AFG1L: variants seen among roughly 807,000 people sequenced by gnomAD.
The protein encoded by AFG1L is AFG1-like ATPase.
AFG1L carries 53 observed loss-of-function variants against 62.2 expected under a neutral mutation model. That is an observed-to-expected ratio of 0.85 (90% confidence interval 0.68 to 1.07). The LOEUF (loss-of-function observed/expected upper bound fraction) is 1.07, where lower values mean the gene tolerates loss of function less well. AFG1L is among the 50% of genes least tolerant of loss of function. The pLI, the probability that AFG1L is intolerant of heterozygous loss-of-function variation, is 0.00. For missense variants in AFG1L, 555 were observed against 590.5 expected (o/e 0.94, Z 0.62); for synonymous variants, 228 against 210.3 (o/e 1.08, Z -0.73).
intron 5 of AFG1L, 86 bp from the exon 6 acceptor site, chr6:108,366,147 C>G: frequency 1.4e-6 from 1 of 712,078 alleles, no homozygotes; most frequent in Non-Finnish European, 2.4e-6. Context: ...GAATTTACTT[C>G]CATCTTAAAA....
At chr6:108,352,606 A>G (rs1223838744) in intron 3 of AFG1L, among the ~76,000 whole-genome samples, 1 of 152,208 alleles carries the variant, frequency 6.6e-6, no homozygotes, top group Admixed American at 6.5e-5. Context: ...TCTGTCGCCC[A>G]GGTCCTGAAG....
At chr6:108,368,758 G>T (rs1451561553) in intron 6 of AFG1L, among the ~76,000 whole-genome samples, 1 of 152,176 alleles carries the variant, frequency 6.6e-6, no homozygotes, top group Non-Finnish European at 1.5e-5. Context: ...CTGCTGAAAG[G>T]ATAATTAGGC....
At chr6:108,408,637 C>T (rs1301437574) in intron 7 of AFG1L, among the ~76,000 whole-genome samples, 1 of 152,102 alleles carries the variant, frequency 6.6e-6, no homozygotes, top group African/African-American at 2.4e-5. Context: ...TCCCTCATAT[C>T]TCAGGGATTG....
At chr6:108,350,795 T>C (rs1394446853) in intron 3 of AFG1L, among the ~76,000 whole-genome samples, 2 of 152,156 alleles carry the variant, frequency 1.3e-5, no homozygotes, top group African/African-American at 4.8e-5. Context: ...TGCCTCCTGG[T>C]TTCACCTCAC....
chr6:108,324,833 C>A (rs1777974877), intron 2 of AFG1L, among the ~76,000 whole-genome samples: 1 of 151,894 alleles, frequency 6.6e-6, no homozygotes, highest in Admixed American at 6.6e-5. Context: ...AACTGGGTAA[C>A]AAGCGTGGAC....
At chr6:108,421,584 T>G (rs1341024900) in intron 7 of AFG1L, among the ~76,000 whole-genome samples, 1 of 152,110 alleles carries the variant, frequency 6.6e-6, no homozygotes, top group Non-Finnish European at 1.5e-5. Context: ...TGTTTTATAC[T>G]TTTTACATAA....
At chr6:108,505,239 G>A (rs960737420) in intron 10 of AFG1L, among the ~76,000 whole-genome samples, 3 of 152,072 alleles carry the variant, frequency 2.0e-5, no homozygotes, top group Admixed American at 6.5e-5. Flanking sequence ...GATTGCAGGC[G>A]CCTGCCGCCG....
At chr6:108,485,648 ATATATATATTTTTTTTTTT>A (rs1439775686) in intron 10 of AFG1L, among the ~76,000 whole-genome samples, 9 of 21,634 alleles carry the variant, frequency 4.2e-4, no homozygotes, top group Non-Finnish European at 7.3e-4. Context: ...ATATATATAT[ATATATATATTTTTTTTTTT>A]TTTTTTTTTT....
At chr6:108,400,879 A>T (rs1347620181) in intron 6 of AFG1L, among the ~76,000 whole-genome samples, 2 of 54,788 alleles carry the variant, frequency 3.7e-5, no homozygotes, top group African/African-American at 2.9e-4. Flanking sequence ...ATATATATTT[A>T]TATATAATGC....
intron 10 of AFG1L, among the ~76,000 whole-genome samples, chr6:108,489,961 G>C (rs375481047): frequency 5.3e-5 from 8 of 152,200 alleles, no homozygotes; most frequent in African/African-American, 1.9e-4. Flanking sequence ...TTTCACTAGA[G>C]TCAATGGAAG....
chr6:108,441,260 A>T (rs1004660256), intron 7 of AFG1L, among the ~76,000 whole-genome samples: 3 of 152,188 alleles, frequency 2.0e-5, no homozygotes, highest in African/African-American at 7.2e-5. Context: ...AATACACACA[A>T]TAGATTTTGG....
intron 7 of AFG1L, among the ~76,000 whole-genome samples, chr6:108,432,932 A>G (rs2114716681): frequency 6.6e-6 from 1 of 152,326 alleles, no homozygotes; most frequent in Admixed American, 6.5e-5. Context: ...CAGGAAATTC[A>G]CACCTATGCC....
At chr6:108,320,218 A>G (rs1200708951) in intron 1 of AFG1L, among the ~76,000 whole-genome samples, 2 of 152,284 alleles carry the variant, frequency 1.3e-5, no homozygotes, top group African/African-American at 4.8e-5. Flanking sequence ...AGTGGTGGTG[A>G]TCAGAGTCAT....
chr6:108,457,034 C>A (rs546605961), intron 8 of AFG1L, among the ~76,000 whole-genome samples: 12 of 152,106 alleles, frequency 7.9e-5, no homozygotes, highest in Non-Finnish European at 1.5e-4. Flanking sequence ...CACCTAACAA[C>A]ACTCTTAAAA....
intron 11 of AFG1L, among the ~76,000 whole-genome samples, chr6:108,513,599 TAAAC>T (rs983537581): frequency 2.6e-5 from 4 of 152,008 alleles, no homozygotes; most frequent in Non-Finnish European, 4.4e-5. Context: ...CTTGAGTAGG[TAAAC>T]AAAGCGGCTG....
At chr6:108,394,462 T>TA (rs34627676) in intron 6 of AFG1L, among the ~76,000 whole-genome samples, 53,473 of 151,900 alleles carry the variant, frequency 0.35, 9,828 homozygotes, top group Non-Finnish European at 0.42. Context: ...CCGTTTTTTT[T>TA]ATCTGTCACT....
At chr6:108,452,285 C>T (rs1380726763) in intron 8 of AFG1L, among the ~76,000 whole-genome samples, 3 of 152,116 alleles carry the variant, frequency 2.0e-5, no homozygotes, top group Admixed American at 6.5e-5. Flanking sequence ...ACAGGAAGCA[C>T]CATTGCTGAA....
intron 8 of AFG1L, among the ~76,000 whole-genome samples, chr6:108,474,677 T>C (rs911424374): frequency 1.3e-5 from 2 of 152,232 alleles, no homozygotes; most frequent in Admixed American, 6.5e-5. Context: ...GCCGCATGAA[T>C]GTCTTCTTTC....
intron 6 of AFG1L, among the ~76,000 whole-genome samples, chr6:108,381,837 A>G (rs1780539952): frequency 6.6e-6 from 1 of 152,208 alleles, no homozygotes; most frequent in South Asian, 2.1e-4. Flanking sequence ...AATTTATTCA[A>G]TCAAAAATAG....
Sources: gnomAD v4.1 joint callset for allele counts (sites outside exome capture counted in the v4.1 genomes callset) on GRCh38, gnomAD v4.1.1 for gene constraint, MANE v1.5 for transcripts, NCBI Gene and HGNC (gene_info 2026-07-23, HGNC 2026-07-21) for gene names.